Variants in KDM6A observed in about 807,000 individuals in gnomAD.
The protein encoded by KDM6A is lysine demethylase 6A.
A neutral mutation model predicts 117.6 loss-of-function variants in KDM6A; 11 were observed. That is an observed-to-expected ratio of 0.09 (90% CI 0.06 to 0.15). The LOEUF is 0.15. Ranked by LOEUF, KDM6A falls within the 10% of genes least tolerant of loss-of-function variation. The probability of loss-of-function intolerance (pLI) is 1.00; values close to 1 mark genes in which losing one functional copy is unlikely to be tolerated. For missense variants in KDM6A, 799 were observed against 1,077.3 expected, an observed-to-expected ratio of 0.74 and a Z score of 3.62; for synonymous variants, 384 against 396.1, an observed-to-expected ratio of 0.97 and a Z score of 0.36.
intron 2 of KDM6A, among the ~76,000 whole-genome samples, chrX:44,896,071 A>AT (rs2033822874): frequency 9.2e-6 from 1 of 108,313 alleles, no homozygotes; most frequent in Non-Finnish European, 1.9e-5. Context: ...TACTTTAAAA[A>AT]TAAATTTTTT....
intron 3 of KDM6A, among the ~76,000 whole-genome samples, chrX:44,966,390 G>A (rs189872064): frequency 7.8e-4 from 87 of 110,937 alleles, no homozygotes; most frequent in African/African-American, 2.8e-3. Context: ...CGATCCTCCC[G>A]CCTCAGCCTC....
At chrX:44,983,281 CTG>C (rs1450620997) in intron 4 of KDM6A, among the ~76,000 whole-genome samples, 3 of 111,769 alleles carry the variant, frequency 2.7e-5, no homozygotes, top group Non-Finnish European at 5.6e-5. Flanking sequence ...CTAGTGGAAT[CTG>C]TGCTCATTTT....
intron 4 of KDM6A, among the ~76,000 whole-genome samples, chrX:44,987,308 C>A (rs1297924721): frequency 9.0e-6 from 1 of 111,279 alleles, no homozygotes; most frequent in Non-Finnish European, 1.9e-5. Context: ...TGTCTCTGCA[C>A]ATGAGATGGG....
intron 2 of KDM6A, among the ~76,000 whole-genome samples, chrX:44,930,267 CTT>C (rs1383440878): frequency 9.0e-6 from 1 of 111,573 alleles, no homozygotes; most frequent in Non-Finnish European, 1.9e-5. Context: ...CTGTCATTCT[CTT>C]AACAGTATAA....
At chrX:44,880,556 T>A (rs2032180470) in intron 2 of KDM6A, among the ~76,000 whole-genome samples, 1 of 108,841 alleles carries the variant, frequency 9.2e-6, no homozygotes, top group South Asian at 4.0e-4. Context: ...TTTGGGAGAC[T>A]GAGGCGGATG....
chrX:45,054,470 T>G (rs1026078601), intron 10 of KDM6A, among the ~76,000 whole-genome samples: 2 of 111,869 alleles, frequency 1.8e-5, no homozygotes, highest in African/African-American at 3.2e-5. Context: ...AGTGAATACA[T>G]TATTAGATTT....
chrX:45,103,981 C>CT (rs2046430742), intron 27 of KDM6A, among the ~76,000 whole-genome samples: 1 of 109,943 alleles, frequency 9.1e-6, no homozygotes, highest in Non-Finnish European at 1.9e-5. Flanking sequence ...GTGTTTACAC[C>CT]TTTTGCAAAT....
At chrX:44,953,981 C>CT (rs1180210518) in intron 2 of KDM6A, among the ~76,000 whole-genome samples, 1 of 109,161 alleles carries the variant, frequency 9.2e-6, no homozygotes, top group Non-Finnish European at 1.9e-5. Context: ...GCACCTAAGC[C>CT]TGGGAGGTCA....
chrX:45,112,510 T>C lies in KDM6A; in HGVS notation c.*1099T>C, dbSNP rs2046794173. The C allele has an allele frequency of 7.2e-6, 1 of 139,367 alleles. No individual in the cohort carries two copies. Among genetic ancestry groups the C allele is most frequent in the South Asian group, 3.4e-4 (1 of 2,925 alleles). The allele number at this position is 139,367 out of a possible 1,213,427, so 11.5% of individuals were successfully genotyped here. A position where few individuals can be genotyped will look rare whatever the true frequency, so the allele number is the denominator to read the frequency against. ...ATGATTATTTTTAAAGAAATATATA[T>C]GGTATGTATCCTCAAGACCTAAAAT... On this transcript the variant is annotated 3_prime_UTR_variant, in exon 30 of 30. Transcript: ENST00000611820.
Position 45,082,735 on chromosome X carries a change from G to A in KDM6A, c.3386G>A (p.Gly1129Glu), listed in dbSNP as rs2045471718. The A allele has an allele frequency of 5.0e-6, 6 of 1,205,398 alleles. No homozygotes were observed. Among genetic ancestry groups the A allele is most frequent in the Non-Finnish European group, 6.7e-6 (6 of 890,349 alleles). The change falls in exon 23 of 30, where the codon GGA becomes GAA. Residue 1129 changes from glycine (G) to glutamate (E), a missense_variant. Coordinates refer to ENST00000611820, the MANE Select transcript of KDM6A (RefSeq NM_001291415.2). Reference sequence around the variant, plus strand: ...TTAAGTTCTGGGAGGAGGAGGAAAGGACCCTTTAAAACCATAAAGTTTGGG... The same window carrying A: ...TTAAGTTCTGGGAGGAGGAGGAAAGAACCCTTTAAAACCATAAAGTTTGGG... ...SSDNSGRRRKGPFKTIKFGTN... is the reference protein window; with the variant it reads ...SSDNSGRRRKEPFKTIKFGTN...
intron 2 of KDM6A, among the ~76,000 whole-genome samples, 197 bp downstream of exon 2, chrX:44,874,184 C>G (rs2031216813): frequency 8.9e-6 from 1 of 111,750 alleles, no homozygotes; most frequent in Non-Finnish European, 1.9e-5. Flanking sequence ...CTCTTTTCCT[C>G]TTGTAGCTGG....
At chrX:44,995,303 G>A (rs1171786353) in intron 4 of KDM6A, among the ~76,000 whole-genome samples, 1 of 109,691 alleles carries the variant, frequency 9.1e-6, no homozygotes, top group Non-Finnish European at 1.9e-5. Flanking sequence ...GGCCAGCTCA[G>A]CCATTCATTT....
At chrX:44,908,508 C>T (rs73634316) in intron 2 of KDM6A, among the ~76,000 whole-genome samples, 2 of 111,543 alleles carry the variant, frequency 1.8e-5, no homozygotes, top group African/African-American at 6.5e-5. Context: ...GTGTTGTCAA[C>T]CCAAGGGCCT....
rs773603304 is a variant in KDM6A, at chrX:45,011,005, T to C, written c.429T>C (p.Tyr143=). 2 of 1,194,362 alleles carry C rather than the reference T, an allele frequency of 1.7e-6. No individual in the cohort carries two copies. The highest frequency in any genetic ancestry group is 2.3e-4 in the Middle Eastern group (1 of 4,308). Residue 143 remains tyrosine (Y), a synonymous_variant, in exon 5 of 30, where the codon TAT becomes TAC. Transcript: ENST00000611820. ...LYGLGLVYFH[Y]NAFQWAIKAF... ...GTCTTGGTTTGGTCTACTTCCATTA[T>C]AATGCATTTCAGTGGTAAGTTGACA...
chrX:44,927,337 C>T (rs1387148744), intron 2 of KDM6A, among the ~76,000 whole-genome samples: 6 of 110,416 alleles, frequency 5.4e-5, no homozygotes, highest in Admixed American at 3.9e-4. Flanking sequence ...CCCATTGATA[C>T]GGAGGGAAAA....
chrX:44,877,929 CAT>C (rs1164132573), intron 2 of KDM6A, among the ~76,000 whole-genome samples: 11 of 111,238 alleles, frequency 9.9e-5, no homozygotes, highest in Non-Finnish European at 1.7e-4. Context: ...TCCATTGAAA[CAT>C]ATTTTCTTAA....
At chrX:45,041,090 A>AC (rs2043145513) in intron 8 of KDM6A, among the ~76,000 whole-genome samples, 1 of 51,163 alleles carries the variant, frequency 2.0e-5, no homozygotes. Flanking sequence ...GGCACCCCTC[A>AC]CCTCCCGGAC....
chrX:45,068,166 C>T (rs1445467097), intron 17 of KDM6A, among the ~76,000 whole-genome samples: 1 of 111,605 alleles, frequency 9.0e-6, no homozygotes, highest in Non-Finnish European at 1.9e-5. Context: ...ATGCTCTAAC[C>T]TTGTTGCTGA....
intron 27 of KDM6A, among the ~76,000 whole-genome samples, chrX:45,097,353 A>T (rs2046152804): frequency 9.0e-6 from 1 of 111,414 alleles, no homozygotes; most frequent in Non-Finnish European, 1.9e-5. Flanking sequence ...CTTAAAAGTT[A>T]AAAAAAAGAT....
Sources: gnomAD v4.1 joint callset for allele counts (sites outside exome capture counted in the v4.1 genomes callset) on GRCh38, gnomAD v4.1.1 for gene constraint, MANE v1.5 for transcripts, NCBI Gene and HGNC (gene_info 2026-07-23, HGNC 2026-07-21) for gene names.